The following MED13L variants were observed in gnomAD, a reference collection of about 807,000 sequenced individuals.
MED13L encodes the protein mediator of RNA polymerase II transcription subunit 13-like.
In MED13L, 7 loss-of-function variants were observed where a neutral mutation model predicts 220.9. The ratio of observed to expected loss-of-function variants is 0.03; its 90% confidence interval spans 0.02 to 0.06. MED13L has a LOEUF of 0.06. Ranked by LOEUF, MED13L falls within the 10% of genes least tolerant of loss-of-function variation. The pLI is 1.00. For missense variants in MED13L, 1,965 were observed against 2,760.5 expected, an observed-to-expected ratio of 0.71 and a Z score of 6.46; for synonymous variants, 1,011 against 1,015.2, an observed-to-expected ratio of 1.00 and a Z score of 0.08.
chr12:116,139,358 C>T (rs185277782), intron 2 of MED13L, among the ~76,000 whole-genome samples: 78 of 152,292 alleles, frequency 5.1e-4, no homozygotes, highest in African/African-American at 1.8e-3. Flanking sequence ...GGAAACAATG[C>T]ATTATAATGC....
intron 1 of MED13L, among the ~76,000 whole-genome samples, chr12:116,271,543 A>G (rs889613094): frequency 2.0e-5 from 3 of 151,168 alleles, no homozygotes; most frequent in Non-Finnish European, 4.4e-5. Context: ...GGAGAATGGC[A>G]CGAACCCGGG....
At chr12:116,094,331 A>G (rs1458688391) in intron 4 of MED13L, among the ~76,000 whole-genome samples, 4 of 152,206 alleles carry the variant, frequency 2.6e-5, no homozygotes, top group African/African-American at 9.6e-5. Context: ...GCACTGAAGG[A>G]AAACAAAGTC....
At chr12:116,058,093 T>C (rs1178171895) in intron 4 of MED13L, among the ~76,000 whole-genome samples, 1 of 152,116 alleles carries the variant, frequency 6.6e-6, no homozygotes, top group Non-Finnish European at 1.5e-5. Context: ...ACTGGAAGGA[T>C]TCAACTATAG....
Position 115,972,247 on chromosome 12 carries a change from A to G in MED13L, c.5732-11T>C, listed in dbSNP as rs1258055062. The G allele has an allele frequency of 6.2e-7, 1 of 1,612,374 alleles. No individual in the cohort carries two copies. Among genetic ancestry groups the G allele is most frequent in the Admixed American group, 1.7e-5 (1 of 60,002 alleles). Reference sequence around the variant, plus strand: ...GGAGGATACTCCAATCTGAAATCAAATATCGCAGTCATACACAGTCTTTAG... The same window carrying G: ...GGAGGATACTCCAATCTGAAATCAAGTATCGCAGTCATACACAGTCTTTAG... On this transcript the variant is annotated splice_polypyrimidine_tract_variant and intron_variant, in intron 25 of 30. Coordinates refer to ENST00000281928, the MANE Select transcript of MED13L (RefSeq NM_015335.5).
intron 4 of MED13L, among the ~76,000 whole-genome samples, chr12:116,083,154 C>T (rs949187198): frequency 6.6e-6 from 1 of 152,054 alleles, no homozygotes; most frequent in African/African-American, 2.4e-5. Flanking sequence ...TACCTGTAAT[C>T]CCAGCACTTT....
intron 28 of MED13L, among the ~76,000 whole-genome samples, chr12:115,968,061 C>CT (rs1006019842): frequency 7.6e-6 from 1 of 132,102 alleles, no homozygotes; most frequent in African/African-American, 2.8e-5. Context: ...AGTCCCCCCC[C>CT]CCCCCCGATG....
At position 115,996,652 on chromosome 12, in the gene MED13L, G is replaced by A. The variant is rs1878425690; in HGVS notation, c.2820C>T (p.Ser940=). The change falls in exon 16 of 31, where the codon TCC becomes TCT. Residue 940 remains serine (S), a synonymous_variant. Coordinates refer to ENST00000281928, the MANE Select transcript of MED13L (RefSeq NM_015335.5). ...KDFSYVHKVP[S]FQPFVGSSMF... ...TGGAGGATCCCACAAAAGGTTGAAA[G>A]GATGGAACTTTGTGCACATATGAAA... 1.3e-5 allele frequency: 21 copies of A among 1,614,104 alleles called. No homozygotes were observed. Among genetic ancestry groups the A allele is most frequent in the Non-Finnish European group, 1.8e-5 (21 of 1,179,978 alleles).
chr12:116,253,744 GTTTTTTTTGTTTTTTTT>G (rs1871778406), intron 1 of MED13L, among the ~76,000 whole-genome samples: 1 of 108,686 alleles, frequency 9.2e-6, no homozygotes, highest in African/African-American at 3.8e-5. Context: ...CACCTTCACG[GTTTTTTTTGTTTTTTTT>G]TTTTTTTTTT....
intron 2 of MED13L, among the ~76,000 whole-genome samples, chr12:116,229,937 A>G (rs1464098477): frequency 6.6e-6 from 1 of 152,238 alleles, no homozygotes; most frequent in African/African-American, 2.4e-5. Context: ...AGAATCAGGA[A>G]ATTTACATCA....
chr12:115,975,108 T>C, intron 25 of MED13L, 63 bp downstream of exon 25: 1 of 1,505,972 alleles, frequency 6.6e-7, no homozygotes, highest in Admixed American at 1.7e-5. Context: ...TTAGCTCAGT[T>C]AATGACAATA....
intron 1 of MED13L, among the ~76,000 whole-genome samples, chr12:116,272,667 T>A (rs1389322587): frequency 6.6e-6 from 1 of 152,140 alleles, no homozygotes; most frequent in African/African-American, 2.4e-5. Flanking sequence ...TCACAAAGAA[T>A]AGGCCCTACC....
intron 2 of MED13L, among the ~76,000 whole-genome samples, chr12:116,134,495 C>T (rs147878420): frequency 7.2e-5 from 11 of 152,200 alleles, no homozygotes; most frequent in African/African-American, 2.6e-4. Flanking sequence ...AATTTTAATT[C>T]ATGTATCTAT....
At chr12:116,152,815 G>C (rs1445479845) in intron 2 of MED13L, among the ~76,000 whole-genome samples, 1 of 152,058 alleles carries the variant, frequency 6.6e-6, no homozygotes, top group East Asian at 1.9e-4. Context: ...TCAAGAAAAA[G>C]TAGACAAAGT....
chr12:115,961,233 G>T lies in MED13L; in HGVS notation c.*33C>A. ...CTTGGACTGAGGTTGCAGGGAGAAG[G>T]AACTGAGCCAGAGAGAACAAGTGCT... On this transcript the variant is annotated 3_prime_UTR_variant, in exon 31 of 31. Coordinates refer to ENST00000281928, the MANE Select transcript of MED13L (RefSeq NM_015335.5). The T allele has an allele frequency of 1.2e-6, 2 of 1,613,720 alleles. No individual in the cohort carries two copies. Among genetic ancestry groups the T allele is most frequent in the South Asian group, 2.2e-5 (2 of 91,016 alleles).
At chr12:116,120,127 T>A (rs991272032) in intron 2 of MED13L, among the ~76,000 whole-genome samples, 2 of 151,962 alleles carry the variant, frequency 1.3e-5, no homozygotes, top group African/African-American at 4.8e-5. Context: ...TTAGCACCAA[T>A]CTAAAATTTC....
In MED13L at chr12:116,017,938, C is replaced by CT. The variant is rs1006266658; in HGVS notation, c.1009+1285dup. Reference sequence around the variant, plus strand: ...GCCTTGGATGTACTTTTCTTTTCTTCTTTTTTTTTTTTTAACCATCTCAGC... The same window carrying CT: ...GCCTTGGATGTACTTTTCTTTTCTTCTTTTTTTTTTTTTTAACCATCTCAGC... On this transcript the variant is annotated intron_variant, in intron 7 of 30. Transcript: ENST00000281928. Among the ~76,000 whole-genome samples, 478 of 144,446 alleles carry CT rather than the reference C, an allele frequency of 3.3e-3. 2 individuals carry two copies. The highest frequency in any genetic ancestry group is 7.0e-3 in the African/African-American group (277 of 39,642). The allele number at this position is 144,446 out of a possible 152,430, so 94.8% of individuals were successfully genotyped here.
At chr12:116,006,079 T>C in intron 12 of MED13L, 86 bp from the exon 13 acceptor site, 1 of 1,553,886 alleles carries the variant, frequency 6.4e-7, no homozygotes, top group Non-Finnish European at 8.8e-7. Context: ...TCAATGAACA[T>C]GACCTGCCTG....
In MED13L at chr12:115,991,756, G is replaced by A; in HGVS notation, c.3198C>T (p.Ala1066=). 1 of 1,613,928 alleles carries A rather than the reference G, an allele frequency of 6.2e-7. No individual in the cohort carries two copies. Among genetic ancestry groups the A allele is most frequent in the Non-Finnish European group, 8.5e-7 (1 of 1,179,954 alleles). The change falls in exon 17 of 31, where the codon GCC becomes GCT. Residue 1066 remains alanine, a synonymous_variant. Transcript: ENST00000281928. This position sits in a 1 kb window ranked among gnomAD's most constrained non-coding sequence, Gnocchi z 7.7. ...CATACTTAACAGACCCTTGACCACT[G>A]GCAGTGCCCCCACCTCTGGGAGTTC... is the stretch of plus-strand genomic sequence containing the variant. The part of the protein sequence containing the change: ...TPRTPRGGGT[A]SGQGSVKYDS...
intron 2 of MED13L, among the ~76,000 whole-genome samples, chr12:116,152,786 G>A (rs987133393): frequency 4.6e-5 from 7 of 152,140 alleles, no homozygotes; most frequent in African/African-American, 1.7e-4. Context: ...TATGGTTTAT[G>A]AGACTTGCTT....
Sources: allele counts gnomAD v4.1 joint callset (sites outside exome capture counted in the v4.1 genomes callset), GRCh38; gene constraint gnomAD v4.1.1; non-coding constraint Gnocchi (gnomAD v3.1); transcripts MANE v1.5; gene names NCBI Gene and HGNC (gene_info 2026-07-23, HGNC 2026-07-21).